Variants in FOXN3 observed in about 807,000 individuals in gnomAD.
FOXN3 encodes forkhead box N3, also known as forkhead box protein N3.
In FOXN3, 7 loss-of-function variants were observed where a neutral mutation model predicts 38.4. That is an observed-to-expected ratio of 0.18 (90% CI 0.10 to 0.34). The LOEUF (loss-of-function observed/expected upper bound fraction) is 0.34. Among genes scored for constraint, FOXN3 ranks in the 10% least tolerant of loss-of-function variants. The probability of loss-of-function intolerance (pLI) is 1.00; values close to 1 mark genes in which losing one functional copy is unlikely to be tolerated. For synonymous variants in FOXN3, 230 were observed against 242.2 expected (o/e 0.95, Z 0.47); for missense variants, 456 against 613.4 (o/e 0.74, Z 2.71).
chr14:89,599,692 G>T (rs1031013282), intron 1 of FOXN3, among the ~76,000 whole-genome samples: 2 of 152,118 alleles, frequency 1.3e-5, no homozygotes, highest in Non-Finnish European at 1.5e-5. Flanking sequence ...CCTCCAAAGA[G>T]AATTTTTATT....
rs190174171 is a variant in FOXN3, at chr14:89,468,918, G to A, written c.-14-56428C>T. ...CTGTGCATCATACATTTTGAGAGAC[G>A]TCGCCAGATGCCCTCCCAAAATGCT... is the stretch of plus-strand genomic sequence containing the variant. On this transcript the variant is annotated intron_variant, in intron 1 of 6. Transcript: ENST00000345097. Among the ~76,000 whole-genome samples the A allele has an allele frequency of 2.0e-3, 310 of 152,214 alleles. 4 individuals carry two copies. Among genetic ancestry groups the A allele is most frequent in the Non-Finnish European group, 5.1e-4 (35 of 68,014 alleles).
intron 1 of FOXN3, among the ~76,000 whole-genome samples, chr14:89,607,198 T>C (rs1260438591): frequency 2.0e-5 from 3 of 152,178 alleles, no homozygotes; most frequent in Non-Finnish European, 2.9e-5. Flanking sequence ...TGGAGAGCAG[T>C]GAGCTTGCCT....
At chr14:89,207,647 T>C (rs897897960) in intron 4 of FOXN3, among the ~76,000 whole-genome samples, 1 of 152,178 alleles carries the variant, frequency 6.6e-6, no homozygotes, top group Non-Finnish European at 1.5e-5. Context: ...CAAGGGTTCA[T>C]GATTCTGTTT....
At chr14:89,405,553 T>G (rs1891366640) in intron 2 of FOXN3, among the ~76,000 whole-genome samples, 1 of 152,028 alleles carries the variant, frequency 6.6e-6, no homozygotes, top group Non-Finnish European at 1.5e-5. Flanking sequence ...GGAGAAAAGC[T>G]TCCTCACTTG....
At chr14:89,488,302 C>A (rs1037385213) in intron 1 of FOXN3, among the ~76,000 whole-genome samples, 3 of 151,742 alleles carry the variant, frequency 2.0e-5, no homozygotes, top group African/African-American at 7.3e-5. Context: ...AGGCTGGGGG[C>A]TCCTCTTTTT....
chr14:89,158,588 G>A lies in FOXN3; in HGVS notation c.*3826C>T, dbSNP rs548359058. The A allele has an allele frequency of 6.5e-6, 1 of 152,744 alleles. No individual in the cohort carries two copies. The highest frequency in any genetic ancestry group is 2.1e-4 in the South Asian group (1 of 4,824). The allele number at this position is 152,744 out of a possible 1,614,324, so 9.5% of individuals were successfully genotyped here. A position where few individuals can be genotyped will look rare whatever the true frequency, so the allele number is the denominator to read the frequency against. On this transcript the variant is annotated 3_prime_UTR_variant, in exon 6 of 6. Coordinates refer to ENST00000557258, the MANE Select transcript of FOXN3 (RefSeq NM_005197.4). Reference sequence around the variant, plus strand: ...CTCTTGAAAGAATACTGATTAGGGAGGGGCAGGGAAGTAGGAGCTTATGGT... The same window carrying A: ...CTCTTGAAAGAATACTGATTAGGGAAGGGCAGGGAAGTAGGAGCTTATGGT...
chr14:89,385,499 TAA>T (rs10681650), intron 2 of FOXN3, among the ~76,000 whole-genome samples: 8,492 of 108,780 alleles, frequency 0.078, 564 homozygotes, highest in African/African-American at 0.2. Flanking sequence ...GGCAAACATT[TAA>T]AAAAAAAAAA....
rs554058509 is a variant in FOXN3 at position 89,521,358 on chromosome 14, T to TAGATAG, written c.-15+97669_-15+97670insCTATCT. 2.7e-3 allele frequency among the ~76,000 whole-genome samples: 335 copies of TAGATAG among 125,026 alleles called. 3 individuals carry two copies. Among genetic ancestry groups the TAGATAG allele is most frequent in the African/African-American group, 4.4e-3 (164 of 37,136 alleles). The allele number at this position is 125,026 out of a possible 152,430, so 82.0% of individuals were successfully genotyped here. A position where few individuals can be genotyped will look rare whatever the true frequency, so the allele number is the denominator to read the frequency against. ...ATGATGAATCTTCATAGATGATAGA[T>TAGATAG]AGAGAGAGAGAGAGAGAGAGAGAGA... On this transcript the variant is annotated intron_variant, in intron 1 of 6. Transcript: ENST00000345097.
At chr14:89,342,580 C>T (rs917533572) in intron 3 of FOXN3, among the ~76,000 whole-genome samples, 1 of 151,910 alleles carries the variant, frequency 6.6e-6, no homozygotes, top group Admixed American at 6.5e-5. Flanking sequence ...TGTGCCCTTA[C>T]AATTTAAGCC....
intron 1 of FOXN3, among the ~76,000 whole-genome samples, chr14:89,488,088 C>CTT (rs35977508): frequency 2.2e-5 from 3 of 137,624 alleles, no homozygotes; most frequent in Non-Finnish European, 4.8e-5. Flanking sequence ...AGGGGCTCTT[C>CTT]TTTTTTTTTT....
At chr14:89,415,836 C>T (rs202231627) in intron 1 of FOXN3, among the ~76,000 whole-genome samples, 21,438 of 131,174 alleles carry the variant, frequency 0.16, 1,713 homozygotes, top group East Asian at 0.23. Context: ...GACCTCCTTA[C>T]AACTTTTCTC....
At chr14:89,517,576 C>G (rs1215611840) in intron 1 of FOXN3, among the ~76,000 whole-genome samples, 1 of 152,270 alleles carries the variant, frequency 6.6e-6, no homozygotes, top group East Asian at 1.9e-4. Flanking sequence ...CTCACTATAA[C>G]AAGAGCACGG....
intron 1 of FOXN3, among the ~76,000 whole-genome samples, chr14:89,587,911 G>A (rs1895876399): frequency 6.6e-6 from 1 of 150,564 alleles, no homozygotes; most frequent in Non-Finnish European, 1.5e-5. Flanking sequence ...ATAATTTTGG[G>A]TAAATTAACA....
chr14:89,232,008 C>T (rs567666197), intron 4 of FOXN3, among the ~76,000 whole-genome samples: 2 of 152,300 alleles, frequency 1.3e-5, no homozygotes, highest in African/African-American at 4.8e-5. Context: ...TGCGGGAAGG[C>T]GTGGAGCTAA....
chr14:89,451,328 T>C (rs1204411942), intron 1 of FOXN3, among the ~76,000 whole-genome samples: 2 of 152,092 alleles, frequency 1.3e-5, no homozygotes, highest in East Asian at 1.9e-4. Context: ...GCAAAGACAG[T>C]TTGGTAACAA....
upstream of FOXN3, among the ~76,000 whole-genome samples, chr14:89,421,203 G>A (rs190471760): frequency 6.1e-3 from 862 of 141,024 alleles, 7 homozygotes; most frequent in Non-Finnish European, 9.7e-3. Context: ...AGGCTGGAGT[G>A]CAATGGCACA....
chr14:89,291,280 T>A, intron 3 of FOXN3: 1 of 453,726 alleles, frequency 2.2e-6, no homozygotes, highest in South Asian at 1.8e-5. Flanking sequence ...GAATCTTTTC[T>A]GATTTGGGTT....
chr14:89,168,255 T>C (rs1305294562), intron 5 of FOXN3, among the ~76,000 whole-genome samples: 2 of 152,036 alleles, frequency 1.3e-5, no homozygotes, highest in Non-Finnish European at 2.9e-5. Flanking sequence ...AAGGAGGGAA[T>C]TGAAAAATAC....
At chr14:89,322,093 A>G (rs1194030046) in intron 3 of FOXN3, among the ~76,000 whole-genome samples, 1 of 152,210 alleles carries the variant, frequency 6.6e-6, no homozygotes, top group Non-Finnish European at 1.5e-5. Flanking sequence ...GTTGCCTTAA[A>G]GTTCCTCCCG....
Sources: allele counts gnomAD v4.1 joint callset (sites outside exome capture counted in the v4.1 genomes callset), GRCh38; gene constraint gnomAD v4.1.1; transcripts MANE v1.5; gene names NCBI Gene and HGNC (gene_info 2026-07-23, HGNC 2026-07-21).